ADD3: variants seen among roughly 807,000 people sequenced by gnomAD.
The protein encoded by ADD3 is adducin 3.
ADD3 carries 25 observed loss-of-function variants against 80.2 expected under a neutral mutation model. That is an observed-to-expected ratio of 0.31 (90% CI 0.23 to 0.44). The LOEUF (loss-of-function observed/expected upper bound fraction) is 0.44, where lower values mean the gene tolerates loss of function less well. Ranked by LOEUF, ADD3 falls within the 20% of genes least tolerant of loss-of-function variation. The pLI is 1.00. For synonymous variants in ADD3, 284 were observed against 289.6 expected, an observed-to-expected ratio of 0.98 and a Z score of 0.20; for missense variants, 829 against 847.5, an observed-to-expected ratio of 0.98 and a Z score of 0.27.
intron 8 of ADD3, among the ~76,000 whole-genome samples, chr10:110,121,152 G>A (rs532163232): frequency 2.0e-5 from 3 of 152,112 alleles, no homozygotes; most frequent in Admixed American, 6.5e-5. Flanking sequence ...TGACAAATGG[G>A]ATCTAATTAA....
At chr10:110,066,330 C>T (rs1843953026) in intron 1 of ADD3, among the ~76,000 whole-genome samples, 1 of 152,114 alleles carries the variant, frequency 6.6e-6, no homozygotes, top group African/African-American at 2.4e-5. Flanking sequence ...ACGTCTGCCT[C>T]CGAGGTTCAA....
At chr10:110,125,238 C>T (rs1311054782) in intron 10 of ADD3, among the ~76,000 whole-genome samples, 4 of 152,126 alleles carry the variant, frequency 2.6e-5, no homozygotes, top group South Asian at 2.1e-4. Flanking sequence ...GATCGAGATT[C>T]GCTTTCTTTA....
intron 10 of ADD3, among the ~76,000 whole-genome samples, chr10:110,124,517 A>G (rs1299680352): frequency 1.3e-5 from 2 of 152,200 alleles, no homozygotes; most frequent in Non-Finnish European, 2.9e-5. Context: ...CCAAGGCAAG[A>G]AGGGTTAATT....
At chr10:110,078,762 TTA>T (rs1191063992) in intron 1 of ADD3, among the ~76,000 whole-genome samples, 76 of 152,312 alleles carry the variant, frequency 5.0e-4, no homozygotes, top group Admixed American at 6.5e-5. Context: ...CTATTTTCTG[TTA>T]TGTTTCATTT....
chr10:110,067,313 C>T (rs1404293559), intron 1 of ADD3, among the ~76,000 whole-genome samples: 4 of 152,178 alleles, frequency 2.6e-5, no homozygotes, highest in African/African-American at 7.2e-5. Context: ...TTTCTAGCCA[C>T]ATGATTGAAA....
upstream of ADD3, among the ~76,000 whole-genome samples, chr10:110,005,501 A>G (rs892155698): frequency 6.6e-6 from 1 of 152,176 alleles, no homozygotes; most frequent in Non-Finnish European, 1.5e-5. Context: ...AACGAGTTTT[A>G]ATTCATTTTT....
rs186784862 is a variant in ADD3 at position 110,072,122 on chromosome 10, C to T, written c.-29-28503C>T. Among the ~76,000 whole-genome samples, 592 of 152,312 alleles carry T rather than the reference C, an allele frequency of 3.9e-3. 5 individuals carry two copies. The highest frequency in any genetic ancestry group is 0.013 in the African/African-American group (539 of 41,578). On this transcript the variant is annotated intron_variant, in intron 1 of 14. Transcript: ENST00000356080. ...TGTCACCCAGGCTGGAGCGCAGTGG[C>T]GCAATCTCGGCTCACTGCAAGCTCC...
upstream of ADD3, among the ~76,000 whole-genome samples, chr10:110,003,454 T>C (rs868438926): frequency 1.3e-5 from 2 of 152,244 alleles, no homozygotes; most frequent in Middle Eastern, 6.8e-3. Context: ...CATTTGCCTA[T>C]AATAATACCT....
At chr10:110,040,895 A>G (rs1165149998) in intron 1 of ADD3, among the ~76,000 whole-genome samples, 1 of 152,122 alleles carries the variant, frequency 6.6e-6, no homozygotes, top group African/African-American at 2.4e-5. Context: ...AAAACTGGAA[A>G]AAAGAACTTG....
At chr10:110,028,217 A>G (rs1223993375) in intron 1 of ADD3, among the ~76,000 whole-genome samples, 1 of 152,166 alleles carries the variant, frequency 6.6e-6, no homozygotes, top group East Asian at 1.9e-4. Flanking sequence ...CCTGACCCCC[A>G]TCTCCCCTTA....
intron 13 of ADD3, 72 bp downstream of exon 13, chr10:110,130,558 A>G: frequency 1.3e-6 from 2 of 1,535,164 alleles, no homozygotes; most frequent in Non-Finnish European, 1.8e-6. Context: ...GTTGGATGAT[A>G]GAAAGCAGTC....
At chr10:110,128,219 C>A (rs1852441232) in intron 12 of ADD3, among the ~76,000 whole-genome samples, 1 of 151,712 alleles carries the variant, frequency 6.6e-6, no homozygotes, top group African/African-American at 2.4e-5. Flanking sequence ...AAAAGTGTTT[C>A]TTCAAGAGTG....
intron 1 of ADD3, among the ~76,000 whole-genome samples, chr10:110,058,948 C>T (rs1262295842): frequency 6.6e-6 from 1 of 152,150 alleles, no homozygotes; most frequent in Non-Finnish European, 1.5e-5. Flanking sequence ...CTTTCCTTGA[C>T]TCTCATCTTT....
chr10:110,049,886 CAAAA>C (rs1296672882), intron 1 of ADD3, among the ~76,000 whole-genome samples: 1 of 61,060 alleles, frequency 1.6e-5, no homozygotes. Flanking sequence ...GACTCCGTCT[CAAAA>C]AAAAAAAAAA....
At chr10:110,064,972 C>T (rs772232646) in intron 1 of ADD3, among the ~76,000 whole-genome samples, 1 of 152,020 alleles carries the variant, frequency 6.6e-6, no homozygotes, top group Non-Finnish European at 1.5e-5. Context: ...GTGGGAGGAT[C>T]GCTTGAACCT....
intron 1 of ADD3, among the ~76,000 whole-genome samples, chr10:110,093,379 A>G (rs1193539272): frequency 6.6e-6 from 1 of 152,068 alleles, no homozygotes; most frequent in Non-Finnish European, 1.5e-5. Flanking sequence ...CCAACAGGAT[A>G]TTTTTCTGAG....
intron 12 of ADD3, among the ~76,000 whole-genome samples, chr10:110,129,963 G>A (rs896667736): frequency 2.0e-5 from 3 of 151,980 alleles, no homozygotes; most frequent in Non-Finnish European, 2.9e-5. Flanking sequence ...GCTTATTTTC[G>A]TAACAGATTT....
At chr10:110,088,992 T>G (rs1178609746) in intron 1 of ADD3, among the ~76,000 whole-genome samples, 1 of 152,168 alleles carries the variant, frequency 6.6e-6, no homozygotes, top group Non-Finnish European at 1.5e-5. Context: ...TTGCATTTCT[T>G]CAGTTAAAAT....
chr10:110,023,261 C>T (rs916262227), intron 1 of ADD3, among the ~76,000 whole-genome samples: 5 of 152,112 alleles, frequency 3.3e-5, no homozygotes, highest in Non-Finnish European at 7.4e-5. Context: ...AGAGAGCTCC[C>T]TCACTCCTTC....
Sources: gnomAD v4.1 joint callset for allele counts (sites outside exome capture counted in the v4.1 genomes callset) on GRCh38, gnomAD v4.1.1 for gene constraint, MANE v1.5 for transcripts, NCBI Gene and HGNC (gene_info 2026-07-23, HGNC 2026-07-21) for gene names.